The following TRPA1 variants were observed in gnomAD, a reference collection of about 807,000 sequenced individuals.
TRPA1 encodes the protein ankyrin-like with transmembrane domains 1.
In TRPA1, 129 loss-of-function variants were observed where a neutral mutation model predicts 131.3. The ratio of observed to expected loss-of-function variants is 0.98; its 90% CI spans 0.85 to 1.14. The LOEUF is 1.14. Among genes scored for constraint, TRPA1 ranks in the 50% most tolerant of loss-of-function variants. The pLI is 0.00. For missense variants in TRPA1, 1,304 were observed against 1,354.2 expected, an observed-to-expected ratio of 0.96 and a Z score of 0.58; for synonymous variants, 441 against 451.7, an observed-to-expected ratio of 0.98 and a Z score of 0.30.
rs562090807 is a variant in TRPA1 at position 72,075,362 on chromosome 8, C to T, written c.48G>A (p.Glu16=). The part of the protein sequence containing the change: ...RKMWRPGEKK[E]PQGVVYEDVP... The stretch of plus-strand genomic sequence containing the variant: ...CATCCTCATAGACAACGCCCTGGGG[C>T]TCCTTCTTTTCTCCAGGGCGCCACA... The change falls in exon 1 of 27, where the codon GAG becomes GAA. Residue 16 remains glutamate (E), a synonymous_variant. Transcript: ENST00000262209. 3.1e-6 allele frequency: 5 copies of T among 1,612,360 alleles called. No homozygotes were observed. In the South Asian group the frequency reaches 3.3e-5, roughly 11 times the overall value.
chr8:72,049,597 T>A lies in TRPA1; in HGVS notation c.1905+1181A>T, dbSNP rs555494669. On this transcript the variant is annotated intron_variant, in intron 15 of 26. Coordinates refer to ENST00000262209, the MANE Select transcript of TRPA1 (RefSeq NM_007332.3). ...CAGATTGCTTATTTGCATCCTTTAA[T>A]ACTCATCTGCTCAACAATTTGTGCA... 2.6e-5 allele frequency among the ~76,000 whole-genome samples: 4 copies of A among 152,326 alleles called. No individual in the cohort carries two copies. The South Asian group carries it at 8.3e-4, about 32-fold the overall frequency.
At position 72,065,438 on chromosome 8, in the gene TRPA1, C is replaced by T. The variant is rs1805907672; in HGVS notation, c.552+13G>A. ...AGATAAAGAAAGCAGACAGATATGA[C>T]AAATATACAAACCAAAATCTGCAAT... On this transcript the variant is annotated intron_variant, in intron 4 of 26. Transcript: ENST00000262209. 1.3e-6 allele frequency: 2 copies of T among 1,597,844 alleles called. No homozygotes were observed. The highest frequency in any genetic ancestry group is 8.6e-7 in the Non-Finnish European group (1 of 1,165,948).
At chr8:72,086,985 C>T in the TRPA1 span, among the ~76,000 whole-genome samples, 1 of 152,104 alleles carries the variant, frequency 6.6e-6, no homozygotes, top group Non-Finnish European at 1.5e-5. Context: ...ATTTAAGTAC[C>T]AGAGTCTCAC....
chr8:72,029,875 A>T, intron 24 of TRPA1, 26 bp downstream of exon 24: 1 of 1,609,296 alleles, frequency 6.2e-7, no homozygotes, highest in Non-Finnish European at 8.5e-7. Flanking sequence ...ATAACACTGT[A>T]ATAAGTGGGG....
intron 15 of TRPA1, among the ~76,000 whole-genome samples, chr8:72,048,678 T>A (rs1805412315): frequency 6.6e-6 from 1 of 152,178 alleles, no homozygotes. Context: ...GTATTTCAAA[T>A]GCATTATGTC....
At chr8:72,039,883 A>C (rs1812192023) in intron 17 of TRPA1, 86 bp from the exon 18 acceptor site, 1 of 927,204 alleles carries the variant, frequency 1.1e-6, no homozygotes, top group Non-Finnish European at 1.8e-6. Flanking sequence ...TGGTTTTATA[A>C]CTGTGTTTGG....
intron 23 of TRPA1, among the ~76,000 whole-genome samples, chr8:72,030,333 C>T (rs775852882): frequency 6.6e-6 from 1 of 152,152 alleles, no homozygotes; most frequent in Admixed American, 6.5e-5. Context: ...CCTTCTAATG[C>T]CATCTTCTTG....
rs545039944 is a variant in TRPA1 at position 72,047,901 on chromosome 8, GT to G, written c.1906-695del. On this transcript the variant is annotated intron_variant, in intron 15 of 26. Coordinates refer to ENST00000262209, the MANE Select transcript of TRPA1 (RefSeq NM_007332.3). ...GGGTACCTTACTGTGACAACTTATTGTTCTTAATCAAGATTTTTCATCCCAG... is the reference window on the plus strand; with the variant it reads ...GGGTACCTTACTGTGACAACTTATTGTCTTAATCAAGATTTTTCATCCCAG... 5.7e-4 allele frequency among the ~76,000 whole-genome samples: 86 copies of G among 152,084 alleles called. 1 individual carries two copies. In the East Asian group the frequency reaches 0.016, roughly 28 times the overall value.
At chr8:72,061,933 G>C (rs566795554) in intron 6 of TRPA1, among the ~76,000 whole-genome samples, 172 bp from the exon 7 acceptor site, 2 of 152,288 alleles carry the variant, frequency 1.3e-5, no homozygotes, top group South Asian at 4.1e-4. Context: ...TTATGGACCT[G>C]CAAAGAAAAG....
rs368947353 is a variant in TRPA1, at chr8:72,063,529, A to G, written c.595T>C (p.Cys199Arg). The G allele has an allele frequency of 2.5e-6, 4 of 1,613,856 alleles. No homozygotes were observed. Among genetic ancestry groups the G allele is most frequent in the Middle Eastern group, 1.6e-4 (1 of 6,062 alleles). ...AKPCKSNKWG[C>R]FPIHQAAFSG... Reference sequence around the variant, plus strand: ...AATGCAGCTTGGTGAATAGGGAAACATCCCCATTTATTTGATTTACATGGC... The same window carrying G: ...AATGCAGCTTGGTGAATAGGGAAACGTCCCCATTTATTTGATTTACATGGC... The change falls in exon 5 of 27, where the codon TGT (cysteine) becomes CGT (arginine). Residue 199 changes from cysteine (C) to arginine (R), a missense_variant. Coordinates refer to ENST00000262209, the MANE Select transcript of TRPA1 (RefSeq NM_007332.3).
chr8:72,067,080 C>G (rs1053329452), intron 3 of TRPA1, among the ~76,000 whole-genome samples: 1 of 152,210 alleles, frequency 6.6e-6, no homozygotes, highest in African/African-American at 2.4e-5. Context: ...AATCATTGTG[C>G]AAGAACTTGA....
rs1047417716 is a variant in TRPA1, at chr8:72,058,446, T to A, written c.994-630A>T. Reference sequence around the variant, plus strand: ...CAAGAAATCAAAGGCCTTTTAAAATTTCATGGAAATAATCCTGTATTTTAT... The same window carrying A: ...CAAGAAATCAAAGGCCTTTTAAAATATCATGGAAATAATCCTGTATTTTAT... On this transcript the variant is annotated intron_variant, in intron 8 of 26. Coordinates refer to ENST00000262209, the MANE Select transcript of TRPA1 (RefSeq NM_007332.3). Among the ~76,000 whole-genome samples, 3 of 152,212 alleles carry A rather than the reference T, an allele frequency of 2.0e-5. No individual in the cohort carries two copies. The East Asian group carries it at 5.8e-4, about 29-fold the overall frequency.
chr8:72,052,609 T>C lies in TRPA1; in HGVS notation c.1801A>G (p.Arg601Gly). Residue 601 changes from arginine to glycine, a missense_variant, in exon 14 of 27, where the codon AGG becomes GGG. Coordinates refer to ENST00000262209, the MANE Select transcript of TRPA1 (RefSeq NM_007332.3). ...KRKEVVLTII[R>G]SKRWDECLKI... ...AGGAAGACAGTGTACCTTTTGCTCC[T>C]GATGATCGTAAGAACAACCTCCTTC... 1 of 1,613,584 alleles carries C rather than the reference T, an allele frequency of 6.2e-7. No individual in the cohort carries two copies. The highest frequency in any genetic ancestry group is 8.5e-7 in the Non-Finnish European group (1 of 1,179,662).
chr8:72,036,461 G>A lies in TRPA1; in HGVS notation c.2386-4C>T, dbSNP rs1303066354. The stretch of plus-strand genomic sequence containing the variant: ...TATCCATAAAATAATTCCTTTTCTG[G>A]GATAGAAAAGAATAAAAAATTACCA... On this transcript the variant is annotated splice_polypyrimidine_tract_variant and splice_region_variant and intron_variant, in intron 20 of 26. Coordinates refer to ENST00000262209, the MANE Select transcript of TRPA1 (RefSeq NM_007332.3). 6.2e-7 allele frequency: 1 copy of A among 1,610,954 alleles called. No individual in the cohort carries two copies. The highest frequency in any genetic ancestry group is 1.7e-5 in the Admixed American group (1 of 59,932).
intron 7 of TRPA1, among the ~76,000 whole-genome samples, chr8:72,060,033 C>A (rs548180279): frequency 1.8e-3 from 271 of 152,190 alleles, no homozygotes; most frequent in Non-Finnish European, 2.4e-3. Context: ...TCGCAAATCT[C>A]ATTTCTTTGT....
intron 7 of TRPA1, among the ~76,000 whole-genome samples, chr8:72,060,921 T>C (rs563967043): frequency 1.3e-5 from 2 of 151,724 alleles, no homozygotes; most frequent in East Asian, 3.9e-4. Flanking sequence ...ATTGAAAATA[T>C]ATTGGCAGCT....
intron 1 of TRPA1, among the ~76,000 whole-genome samples, chr8:72,072,585 C>T (rs1806088731): frequency 6.6e-6 from 1 of 152,196 alleles, no homozygotes; most frequent in Non-Finnish European, 1.5e-5. Context: ...CATCCAACCA[C>T]TTCCAAATTT....
At chr8:72,026,144 A>G in intron 24 of TRPA1, 71 bp from the exon 25 acceptor site, 21 of 1,152,660 alleles carry the variant, frequency 1.8e-5, no homozygotes, top group Non-Finnish European at 2.7e-5. Context: ...GCACAGAGGC[A>G]ATCATTAATA....
the TRPA1 span, among the ~76,000 whole-genome samples, chr8:72,086,578 C>T: frequency 6.6e-6 from 1 of 152,194 alleles, no homozygotes; most frequent in Non-Finnish European, 1.5e-5. Flanking sequence ...AAGATTTTGA[C>T]GTTACTTCTT....
Sources: allele counts gnomAD v4.1 joint callset (sites outside exome capture counted in the v4.1 genomes callset), GRCh38; gene constraint gnomAD v4.1.1; transcripts MANE v1.5; gene names NCBI Gene and HGNC (gene_info 2026-07-23, HGNC 2026-07-21).